The following CA6 variants were observed in gnomAD, a reference collection of about 807,000 sequenced individuals.
The protein encoded by CA6 is carbonic anhydrase 6, also known as carbonate dehydratase VI.
In CA6, 28 loss-of-function variants were observed where a neutral mutation model predicts 35.9. That is an observed-to-expected ratio of 0.78 (90% CI 0.58 to 1.07). The LOEUF is 1.07. Among genes scored for constraint, CA6 ranks in the 50% least tolerant of loss-of-function variants. CA6 has a pLI of 0.00. For missense variants in CA6, 377 were observed against 382.0 expected (o/e 0.99, Z 0.11); for synonymous variants, 148 against 152.6 (o/e 0.97, Z 0.22).
In CA6 at chr1:8,957,133, C is replaced by T; in HGVS notation, c.260-4C>T. The T allele has an allele frequency of 6.2e-7, 1 of 1,602,802 alleles. No homozygotes were observed. Among genetic ancestry groups the T allele is most frequent in the Non-Finnish European group, 8.5e-7 (1 of 1,172,990 alleles). ...CTGCTCTCAGCCCCACCTTGTCTCTCCAGTGCAGATCAGCCTGCCCTCCAC... is the reference window on the plus strand; with the variant it reads ...CTGCTCTCAGCCCCACCTTGTCTCTTCAGTGCAGATCAGCCTGCCCTCCAC... On this transcript the variant is annotated splice_polypyrimidine_tract_variant and splice_region_variant and intron_variant, in intron 2 of 7. Transcript: ENST00000377443.
At chr1:8,949,647 C>G (rs12738365) in intron 2 of CA6, among the ~76,000 whole-genome samples, 1 of 151,810 alleles carries the variant, frequency 6.6e-6, no homozygotes, top group Non-Finnish European at 1.5e-5. Flanking sequence ...ATCCATCTTT[C>G]GACTCAACTC....
intron 6 of CA6, among the ~76,000 whole-genome samples, chr1:8,969,661 G>A (rs776284052): frequency 2.0e-5 from 3 of 151,592 alleles, no homozygotes; most frequent in Non-Finnish European, 1.5e-5. Context: ...ATATGTGTGT[G>A]TGTGTATACA....
intron 1 of CA6, among the ~76,000 whole-genome samples, chr1:8,947,330 G>A (rs1024171989): frequency 2.0e-5 from 3 of 152,100 alleles, no homozygotes; most frequent in African/African-American, 7.3e-5. Context: ...GATGCAGGAA[G>A]TGAGACAAAC....
At chr1:8,966,857 C>A (rs1639980588) in intron 5 of CA6, among the ~76,000 whole-genome samples, 1 of 152,116 alleles carries the variant, frequency 6.6e-6, no homozygotes, top group Admixed American at 6.6e-5. Flanking sequence ...GTGGAAGTGG[C>A]CCCACCCTAC....
chr1:8,961,240 T>A lies in CA6; in HGVS notation c.502-1347T>A, dbSNP rs191816672. Among the ~76,000 whole-genome samples, 42 of 152,300 alleles carry A rather than the reference T, an allele frequency of 2.8e-4. No individual in the cohort carries two copies. In the East Asian group the frequency reaches 5.2e-3, roughly 19 times the overall value. Reference sequence around the variant, plus strand: ...AAGAAAATAATACCAGACGGTTAACTCCGATCCACAGAAAGAAGTGAAGAG... The same window carrying A: ...AAGAAAATAATACCAGACGGTTAACACCGATCCACAGAAAGAAGTGAAGAG... On this transcript the variant is annotated intron_variant, in intron 4 of 7. Coordinates refer to ENST00000377443, the MANE Select transcript of CA6 (RefSeq NM_001215.4).
intron 2 of CA6, 64 bp downstream of exon 2, chr1:8,949,506 A>G: frequency 1.5e-6 from 2 of 1,376,902 alleles, no homozygotes; most frequent in Non-Finnish European, 2.0e-6. Context: ...GGCAGGTTAC[A>G]CGTGTCCCTG....
intron 7 of CA6, 177 bp from the exon 8 acceptor site, chr1:8,974,445 G>A: frequency 6.6e-7 from 1 of 1,525,486 alleles, no homozygotes; most frequent in Non-Finnish European, 8.7e-7. Context: ...AGAAGCCTGA[G>A]TTCAAACACA....
chr1:8,957,093 C>G, intron 2 of CA6, 44 bp from the exon 3 acceptor site: 12 of 1,535,550 alleles, frequency 7.8e-6, no homozygotes, highest in Non-Finnish European at 9.7e-6. Context: ...CCTGACCCCT[C>G]TGTGTTCACC....
chr1:8,968,789 G>T (rs1163452967), intron 6 of CA6, among the ~76,000 whole-genome samples: 1 of 152,072 alleles, frequency 6.6e-6, no homozygotes. Flanking sequence ...GCCAAAGTGG[G>T]TGGATCACCT....
intron 6 of CA6, 70 bp from the exon 7 acceptor site, chr1:8,970,797 G>A (rs1441193032): frequency 2.0e-5 from 20 of 1,004,990 alleles, no homozygotes; most frequent in Admixed American, 3.4e-5. Flanking sequence ...CACTGCGCCG[G>A]GCCAACTGTT....
At chr1:8,953,771 G>T (rs1325932268) in intron 2 of CA6, among the ~76,000 whole-genome samples, 1 of 152,144 alleles carries the variant, frequency 6.6e-6, no homozygotes, top group Non-Finnish European at 1.5e-5. Flanking sequence ...ATCTTGAATA[G>T]GGGGTGGGTA....
chr1:8,950,313 T>G (rs879783406), intron 2 of CA6, among the ~76,000 whole-genome samples: 2 of 152,028 alleles, frequency 1.3e-5, no homozygotes, highest in Non-Finnish European at 2.9e-5. Context: ...GCTTTACTTG[T>G]GCAGAATATC....
At chr1:8,967,951 C>T (rs1477510765) in intron 6 of CA6, 135 bp downstream of exon 6, 10 of 543,000 alleles carry the variant, frequency 1.8e-5, no homozygotes, top group African/African-American at 8.1e-5. Context: ...TACTGTGCCT[C>T]GTCTAGCCAA....
rs1639885548 is a variant in CA6 at position 8,963,138 on chromosome 1, T to C, written c.571+482T>C. On this transcript the variant is annotated intron_variant, in intron 5 of 7. Coordinates refer to ENST00000377443, the MANE Select transcript of CA6 (RefSeq NM_001215.4). This position sits in a 1 kb window ranked among gnomAD's most constrained non-coding sequence, Gnocchi z 4.1. ...CCATTTCCCACCCAGGGTCAACCCTTGACTTTTGAGCTATAACCACAATAG... is the reference window on the plus strand; with the variant it reads ...CCATTTCCCACCCAGGGTCAACCCTCGACTTTTGAGCTATAACCACAATAG... 6.6e-6 allele frequency among the ~76,000 whole-genome samples: 1 copy of C among 152,142 alleles called. No homozygotes were observed. Among genetic ancestry groups the C allele is most frequent in the African/African-American group, 2.4e-5 (1 of 41,422 alleles).
chr1:8,973,452 G>A (rs891665407), intron 7 of CA6, among the ~76,000 whole-genome samples: 7 of 152,150 alleles, frequency 4.6e-5, no homozygotes, highest in Admixed American at 6.6e-5. Flanking sequence ...CCACTACAGC[G>A]TCACTCTAGC....
chr1:8,971,804 C>T (rs1036710592), intron 7 of CA6, among the ~76,000 whole-genome samples: 1 of 152,250 alleles, frequency 6.6e-6, no homozygotes, highest in Non-Finnish European at 1.5e-5. Flanking sequence ...GGCAGGCCAG[C>T]CTCCGCTGCA....
At chr1:8,970,846 A>G in intron 6 of CA6, 21 bp from the exon 7 acceptor site, 4 of 1,425,286 alleles carry the variant, frequency 2.8e-6, no homozygotes, top group Non-Finnish European at 4.0e-6. Flanking sequence ...CCCCTCCATA[A>G]TGCACTCACG....
At chr1:8,954,605 A>G (rs1057435006) in intron 2 of CA6, among the ~76,000 whole-genome samples, 3 of 152,216 alleles carry the variant, frequency 2.0e-5, no homozygotes, top group South Asian at 2.1e-4. Context: ...CCAAGTTGGA[A>G]ATAATTGACA....
rs2124204493 is a variant in CA6 at position 8,974,757 on chromosome 1, A to AGAG, written c.*55_*56insGGA. On this transcript the variant is annotated 3_prime_UTR_variant, in exon 8 of 8. Transcript: ENST00000377443. ...AACTAGCTTGAAGCCTGACCTAGCC[A>AGAG]GAAGTGCCTGTCCGCTGCAGCCGCA... is the stretch of plus-strand genomic sequence containing the variant. 9.9e-7 allele frequency: 1 copy of AGAG among 1,007,046 alleles called. No individual in the cohort carries two copies. Among genetic ancestry groups the AGAG allele is most frequent in the Non-Finnish European group, 1.4e-6 (1 of 736,260 alleles). 62.4% of individuals were successfully genotyped at this position (1,007,046 alleles called of 1,614,324 possible). A position where few individuals can be genotyped will look rare whatever the true frequency, so the allele number is the denominator to read the frequency against.
Sources: allele counts gnomAD v4.1 joint callset (sites outside exome capture counted in the v4.1 genomes callset), GRCh38; gene constraint gnomAD v4.1.1; non-coding constraint Gnocchi (gnomAD v3.1); transcripts MANE v1.5; gene names NCBI Gene and HGNC (gene_info 2026-07-23, HGNC 2026-07-21).